Variants in DYNC2I2 observed in about 807,000 individuals in gnomAD.
DYNC2I2 encodes the protein dynein 2 intermediate chain 2, also known as cytoplasmic dynein 2 intermediate chain 2.
A neutral mutation model predicts 52.0 loss-of-function variants in DYNC2I2; 39 were observed. That is an observed-to-expected ratio of 0.75 (90% CI 0.58 to 0.98). DYNC2I2 has a LOEUF of 0.98. DYNC2I2 is among the 50% of genes least tolerant of loss of function. The pLI is 0.00. For missense variants in DYNC2I2, 743 were observed against 728.4 expected (o/e 1.02, Z -0.23); for synonymous variants, 359 against 321.1 (o/e 1.12, Z -1.26).
the DYNC2I2 span, among the ~76,000 whole-genome samples, chr9:128,670,353 T>C: frequency 6.6e-6 from 1 of 151,066 alleles, no homozygotes; most frequent in Admixed American, 6.6e-5. Flanking sequence ...GGCAGGAAAA[T>C]CGCTTGAACC....
At chr9:128,634,974 G>A (rs1860355984) in intron 6 of DYNC2I2, 53 bp from the exon 7 acceptor site, 2 of 1,598,478 alleles carry the variant, frequency 1.3e-6, no homozygotes, top group Non-Finnish European at 1.7e-6. Flanking sequence ...AGATGGCACT[G>A]TCCCAACAGA....
chr9:128,653,322 T>C (rs1172473477), intron 1 of DYNC2I2, among the ~76,000 whole-genome samples: 2 of 150,438 alleles, frequency 1.3e-5, no homozygotes, highest in Non-Finnish European at 2.9e-5. Flanking sequence ...GCAGATGACT[T>C]GAGGCCAGGA....
At chr9:128,654,006 A>G (rs1307011994) in intron 1 of DYNC2I2, among the ~76,000 whole-genome samples, 3 of 152,178 alleles carry the variant, frequency 2.0e-5, no homozygotes, top group African/African-American at 7.2e-5. Flanking sequence ...GCCAGACTCC[A>G]TCTCAAAAGA....
the DYNC2I2 span, chr9:128,684,039 T>A: frequency 6.7e-7 from 1 of 1,484,318 alleles, no homozygotes; most frequent in Non-Finnish European, 9.2e-7. Flanking sequence ...TATTGGAGAT[T>A]TAAGGGATTT....
intron 2 of DYNC2I2, among the ~76,000 whole-genome samples, chr9:128,639,728 C>T (rs1860476064): frequency 6.6e-6 from 1 of 151,156 alleles, no homozygotes; most frequent in Admixed American, 6.6e-5. Flanking sequence ...TGCAGTGGCA[C>T]AGTCTCAGCT....
intron 5 of DYNC2I2, 86 bp from the exon 6 acceptor site, chr9:128,635,345 AG>A: frequency 4.8e-6 from 7 of 1,454,254 alleles, no homozygotes; most frequent in Non-Finnish European, 3.7e-6. Flanking sequence ...CCTCTCTTCC[AG>A]GAAAAAAAAA....
chr9:128,645,039 G>A (rs1351193586), intron 1 of DYNC2I2, among the ~76,000 whole-genome samples: 1 of 152,068 alleles, frequency 6.6e-6, no homozygotes, highest in African/African-American at 2.4e-5. Flanking sequence ...CCTATTCCGA[G>A]ACAAGACAAT....
At chr9:128,643,407 A>C (rs935262318) in intron 1 of DYNC2I2, among the ~76,000 whole-genome samples, 1 of 152,004 alleles carries the variant, frequency 6.6e-6, no homozygotes, top group Non-Finnish European at 1.5e-5. Flanking sequence ...GGCGCCTGTA[A>C]TCCCAATTGC....
At chr9:128,650,648 AAG>A (rs1415404687) in intron 1 of DYNC2I2, among the ~76,000 whole-genome samples, 22,646 of 51,706 alleles carry the variant, frequency 0.44, 9,621 homozygotes, top group Non-Finnish European at 0.5. Context: ...GTTGATCTGC[AAG>A]GCTCAGCCTC....
At chr9:128,662,636 G>T in the DYNC2I2 span, among the ~76,000 whole-genome samples, 8 of 151,824 alleles carry the variant, frequency 5.3e-5, no homozygotes, top group South Asian at 1.2e-3. Context: ...CTGGAGTGTA[G>T]TGGCACGATC....
the DYNC2I2 span, among the ~76,000 whole-genome samples, chr9:128,671,854 C>T: frequency 8.6e-5 from 13 of 151,068 alleles, no homozygotes; most frequent in East Asian, 2.0e-3. Context: ...GGGGTTTCAC[C>T]GTGTTAGCCA....
intron 2 of DYNC2I2, among the ~76,000 whole-genome samples, chr9:128,639,896 C>T (rs1860479400): frequency 6.6e-6 from 1 of 152,140 alleles, no homozygotes; most frequent in African/African-American, 2.4e-5. Flanking sequence ...GAACTGCCAA[C>T]CTCAGGTGAT....
At chr9:128,661,304 C>CAAA (rs34937317), upstream of DYNC2I2, among the ~76,000 whole-genome samples, 1 of 62,194 alleles carries the variant, frequency 1.6e-5, no homozygotes, top group African/African-American at 4.9e-5. Flanking sequence ...GACTCCATCT[C>CAAA]AAAAAAAAAA....
At chr9:128,683,488 GA>G in the DYNC2I2 span, 226 of 212,584 alleles carry the variant, frequency 1.1e-3, no homozygotes, top group Middle Eastern at 3.0e-3. Flanking sequence ...GAGGCCAAAG[GA>G]AAAAAAAAAG....
At chr9:128,671,818 AT>A in the DYNC2I2 span, among the ~76,000 whole-genome samples, 3 of 147,386 alleles carry the variant, frequency 2.0e-5, no homozygotes, top group Non-Finnish European at 3.0e-5. Context: ...TGCCCGGCTA[AT>A]TTTTTTTGTA....
chr9:128,682,315 T>C, the DYNC2I2 span, among the ~76,000 whole-genome samples: 1 of 151,954 alleles, frequency 6.6e-6, no homozygotes, highest in African/African-American at 2.4e-5. Flanking sequence ...CCCAAAGTGC[T>C]GCGATTACAG....
the DYNC2I2 span, among the ~76,000 whole-genome samples, chr9:128,682,890 A>G: frequency 6.7e-6 from 1 of 149,592 alleles, no homozygotes; most frequent in Non-Finnish European, 1.5e-5. Flanking sequence ...GTTAGCCAGG[A>G]TGGTCTCGAT....
rs145466455 is a variant in DYNC2I2 at position 128,643,252 on chromosome 9, C to T, written c.187-2313G>A. On this transcript the variant is annotated intron_variant, in intron 1 of 8. Coordinates refer to ENST00000372715, the MANE Select transcript of DYNC2I2 (RefSeq NM_052844.4). Reference sequence around the variant, plus strand: ...AATTAAAAATTTGCCAGAAGCCAGGCGCAGTGGCTCATGCCTGTAATCCCA... The same window carrying T: ...AATTAAAAATTTGCCAGAAGCCAGGTGCAGTGGCTCATGCCTGTAATCCCA... Among the ~76,000 whole-genome samples the T allele has an allele frequency of 6.4e-4, 97 of 152,138 alleles. 2 individuals are homozygous for T. The East Asian group carries it at 8.1e-3, about 13-fold the overall frequency.
intron 1 of DYNC2I2, among the ~76,000 whole-genome samples, chr9:128,645,296 G>A (rs912273108): frequency 1.3e-5 from 2 of 152,032 alleles, no homozygotes; most frequent in East Asian, 1.9e-4. Flanking sequence ...AGGAGTTCGA[G>A]ACCAGCCTGG....
Sources: gnomAD v4.1 joint callset for allele counts (sites outside exome capture counted in the v4.1 genomes callset) on GRCh38, gnomAD v4.1.1 for gene constraint, MANE v1.5 for transcripts, NCBI Gene and HGNC (gene_info 2026-07-23, HGNC 2026-07-21) for gene names.